PIWIL2: variants seen among roughly 807,000 people sequenced by gnomAD.
PIWIL2 encodes piwi-like protein 2.
In PIWIL2, 81 loss-of-function variants were observed where a neutral mutation model predicts 116.5. The ratio of observed to expected loss-of-function variants is 0.70; its 90% CI spans 0.58 to 0.84. The LOEUF is 0.84. Among genes scored for constraint, PIWIL2 ranks in the 40% least tolerant of loss-of-function variants. The probability of loss-of-function intolerance (pLI) is 0.00; values close to 1 mark genes in which losing one functional copy is unlikely to be tolerated. For synonymous variants in PIWIL2, 489 were observed against 429.5 expected (o/e 1.14, Z -1.71); for missense variants, 1,272 against 1,212.3 (o/e 1.05, Z -0.73).
chr8:22,321,795 A>G (rs1831605211), intron 20 of PIWIL2: 1 of 897,238 alleles, frequency 1.1e-6, no homozygotes, highest in South Asian at 5.1e-5. Flanking sequence ...TTGGGGTTCT[A>G]AGATTCTGAC....
intron 20 of PIWIL2, among the ~76,000 whole-genome samples, chr8:22,347,300 C>G (rs1211813323): frequency 6.6e-6 from 1 of 151,552 alleles, no homozygotes; most frequent in Non-Finnish European, 1.5e-5. Context: ...GTGCAAGCTC[C>G]CCTTCCCGGG....
intron 20 of PIWIL2, among the ~76,000 whole-genome samples, chr8:22,348,453 G>A (rs565710245): frequency 4.6e-5 from 7 of 152,038 alleles, no homozygotes; most frequent in Non-Finnish European, 7.4e-5. Flanking sequence ...GCCCCTCTGC[G>A]CAGTGCTAAG....
intron 11 of PIWIL2, 140 bp from the exon 12 acceptor site, chr8:22,304,644 A>C (rs1288116388): frequency 1.1e-5 from 6 of 545,564 alleles, no homozygotes; most frequent in Non-Finnish European, 1.7e-5. Context: ...TAAATATATT[A>C]TGATCGGTTT....
At chr8:22,302,237 A>C (rs572755687) in intron 10 of PIWIL2, among the ~76,000 whole-genome samples, 2 of 152,108 alleles carry the variant, frequency 1.3e-5, no homozygotes, top group South Asian at 4.1e-4. Context: ...GCTAAAGTGC[A>C]GTGGCGCGAT....
At chr8:22,339,722 G>A (rs1018909861) in intron 20 of PIWIL2, among the ~76,000 whole-genome samples, 2 of 152,180 alleles carry the variant, frequency 1.3e-5, no homozygotes, top group Admixed American at 6.5e-5. Flanking sequence ...TCATTCATCC[G>A]ATACATATGG....
chr8:22,336,869 A>G lies in PIWIL2; in HGVS notation c.2404-16090A>G, dbSNP rs547145138. 4.6e-5 allele frequency among the ~76,000 whole-genome samples: 7 copies of G among 152,324 alleles called. No individual in the cohort carries two copies. In the East Asian group the frequency reaches 1.3e-3, roughly 29 times the overall value. ...TGACAACCTTTAGTTTAGACCATTT[A>G]TGAAAAATAGAAGAATCTGATAACT... On this transcript the variant is annotated intron_variant, in intron 20 of 22. Transcript: ENST00000356766.
At position 22,276,077 on chromosome 8, in the gene PIWIL2, T is replaced by G. The variant is rs139013856; in HGVS notation, c.-47+679T>G. 3.3e-3 allele frequency: 503 copies of G among 152,360 alleles called. 5 individuals are homozygous for G. Among genetic ancestry groups the G allele is most frequent in the Middle Eastern group, 0.01 (3 of 294 alleles). 9.4% of individuals were successfully genotyped at this position (152,360 alleles called of 1,614,324 possible). A position where few individuals can be genotyped will look rare whatever the true frequency, so the allele number is the denominator to read the frequency against. On this transcript the variant is annotated intron_variant, in intron 1 of 22. Transcript: ENST00000356766. ...ATTGCTTGGGATTCTTTGGGTGGTG[T>G]TGGGGAGGTGTGAGCAGAGTCCTGG...
intron 20 of PIWIL2, among the ~76,000 whole-genome samples, chr8:22,346,579 T>C (rs1425294821): frequency 1.3e-5 from 2 of 152,218 alleles, no homozygotes; most frequent in African/African-American, 4.8e-5. Context: ...ATTTAATATC[T>C]GTATTTAGAT....
At chr8:22,353,477 T>G (rs1832420049) in intron 21 of PIWIL2, among the ~76,000 whole-genome samples, 1 of 152,080 alleles carries the variant, frequency 6.6e-6, no homozygotes, top group Non-Finnish European at 1.5e-5. Flanking sequence ...GGTGAAACCC[T>G]GTCTACTGTA....
At chr8:22,310,912 T>C (rs887533641) in intron 15 of PIWIL2, among the ~76,000 whole-genome samples, 200 bp from the exon 16 acceptor site, 1 of 152,238 alleles carries the variant, frequency 6.6e-6, no homozygotes, top group African/African-American at 2.4e-5. Flanking sequence ...GCTCTTCCAT[T>C]CTCATTACTG....
Position 22,295,750 on chromosome 8 carries a change from A to G in PIWIL2, c.1181+5404A>G, listed in dbSNP as rs373962519. Among the ~76,000 whole-genome samples the G allele has an allele frequency of 3.0e-3, 450 of 152,136 alleles. No homozygotes were observed. In the South Asian group the frequency reaches 0.042, roughly 14 times the overall value. Reference sequence around the variant, plus strand: ...AAGAGCATTTATTTTCCTGGAGGTGAGAAGAGCTCGGTGTTTAAAAATGTA... The same window carrying G: ...AAGAGCATTTATTTTCCTGGAGGTGGGAAGAGCTCGGTGTTTAAAAATGTA... On this transcript the variant is annotated intron_variant, in intron 10 of 22. Transcript: ENST00000356766.
chr8:22,306,159 A>G (rs1202612527), intron 13 of PIWIL2, 143 bp downstream of exon 13: 5 of 626,784 alleles, frequency 8.0e-6, no homozygotes, highest in African/African-American at 1.8e-5. Flanking sequence ...TCCAGCCTCC[A>G]GTTTTCTCCT....
At chr8:22,336,832 A>G (rs995728491) in intron 20 of PIWIL2, among the ~76,000 whole-genome samples, 3 of 152,144 alleles carry the variant, frequency 2.0e-5, no homozygotes, top group African/African-American at 7.2e-5. Flanking sequence ...TGGTTCTTTG[A>G]GGAGATAAAG....
chr8:22,279,561 A>T lies in PIWIL2; in HGVS notation c.175A>T (p.Thr59Ser), dbSNP rs200664253. 1.1e-5 allele frequency: 17 copies of T among 1,614,208 alleles called. No individual in the cohort carries two copies. Among genetic ancestry groups the T allele is most frequent in the East Asian group, 2.2e-5 (1 of 44,888 alleles). Residue 59 changes from threonine (T) to serine (S), a missense_variant, in exon 2 of 23, where the codon ACA becomes TCA. Thr to Ser is a moderately conservative substitution (Grantham distance 58). Transcript: ENST00000356766. ...HVFGKPEEPS[T>S]QRGPAQRESV... ...ATTTGGAAAGCCAGAGGAACCAAGC[A>T]CACAGAGGGGGCCAGCACAAAGGGT... is the stretch of plus-strand genomic sequence containing the variant.
At chr8:22,276,309 TTTTGTTTG>T (rs561089973) in intron 1 of PIWIL2, among the ~76,000 whole-genome samples, 1 of 152,312 alleles carries the variant, frequency 6.6e-6, no homozygotes, top group East Asian at 1.9e-4. Flanking sequence ...AAGACAGCTT[TTTTGTTTG>T]TTTGTTTGTT....
At chr8:22,331,170 T>G (rs1458117315) in intron 20 of PIWIL2, among the ~76,000 whole-genome samples, 1 of 151,912 alleles carries the variant, frequency 6.6e-6, no homozygotes, top group Non-Finnish European at 1.5e-5. Context: ...AGCGAGACTC[T>G]GTCTCAAAAA....
Position 22,309,527 on chromosome 8 carries a change from CAG to C in PIWIL2, c.1687-433_1687-432del, listed in dbSNP as rs1478717772. On this transcript the variant is annotated intron_variant, in intron 14 of 22. Coordinates refer to ENST00000356766, the MANE Select transcript of PIWIL2 (RefSeq NM_018068.5). ...CTAATTTTTGTATTTTTAGTAGAGA[CAG>C]GGTTTCACCATGTTGGCCAGGCTGG... 2.9e-4 allele frequency among the ~76,000 whole-genome samples: 44 copies of C among 151,978 alleles called. No individual in the cohort carries two copies. In the East Asian group the frequency reaches 7.0e-3, roughly 24 times the overall value.
intron 5 of PIWIL2, among the ~76,000 whole-genome samples, chr8:22,283,733 G>C (rs1830566683): frequency 6.6e-6 from 1 of 152,214 alleles, no homozygotes; most frequent in African/African-American, 2.4e-5. Context: ...TCTGAAGTTA[G>C]ATGTGTTTGA....
At chr8:22,289,152 C>CTTT (rs374688951) in intron 8 of PIWIL2, among the ~76,000 whole-genome samples, 6 of 135,286 alleles carry the variant, frequency 4.4e-5, no homozygotes, top group Non-Finnish European at 7.9e-5. Flanking sequence ...TTTCTTTTTT[C>CTTT]TTTTTTTTTT....
Sources: gnomAD v4.1 joint callset for allele counts (sites outside exome capture counted in the v4.1 genomes callset) on GRCh38, gnomAD v4.1.1 for gene constraint, MANE v1.5 for transcripts, NCBI Gene and HGNC (gene_info 2026-07-23, HGNC 2026-07-21) for gene names.